ELL: variants seen among roughly 807,000 people sequenced by gnomAD.
ELL encodes RNA polymerase II elongation factor ELL.
In ELL, 18 loss-of-function variants were observed where a neutral mutation model predicts 64.0. The ratio of observed to expected loss-of-function variants is 0.28; its 90% CI spans 0.19 to 0.42. The LOEUF (loss-of-function observed/expected upper bound fraction) is 0.42, where lower values mean the gene tolerates loss of function less well. Among genes scored for constraint, ELL ranks in the 10% least tolerant of loss-of-function variants. The pLI is 1.00. For missense variants in ELL, 797 were observed against 870.4 expected (o/e 0.92, Z 1.06); for synonymous variants, 399 against 376.2 (o/e 1.06, Z -0.70).
rs754492176 is a variant in ELL at position 18,450,715 on chromosome 19, T to C, written c.1227A>G (p.Arg409=). Residue 409 remains arginine, a synonymous_variant, in exon 8 of 12, where the codon CGA becomes CGG. Transcript: ENST00000262809. Reference sequence around the variant, plus strand: ...CAGCCGCCTCTCCGTGCTCACAGTCTCGGCCGCTGTGGCCCAGGTCATTGC... The same window carrying C: ...CAGCCGCCTCTCCGTGCTCACAGTCCCGGCCGCTGTGGCCCAGGTCATTGC... The part of the protein sequence containing the change: ...DVSNDLGHSG[R]DCEHGEAAAP... The C allele has an allele frequency of 2.5e-6, 4 of 1,585,244 alleles. No individual in the cohort carries two copies. In the South Asian group the frequency reaches 3.4e-5, roughly 13 times the overall value.
intron 1 of ELL, among the ~76,000 whole-genome samples, chr19:18,485,864 T>C (rs1053896393): frequency 2.6e-5 from 4 of 151,966 alleles, no homozygotes; most frequent in African/African-American, 9.7e-5. Context: ...CACACGCCTA[T>C]AGTCCCAGCT....
intron 1 of ELL, among the ~76,000 whole-genome samples, chr19:18,515,949 G>A (rs1318919636): frequency 6.6e-6 from 1 of 152,162 alleles, no homozygotes; most frequent in Non-Finnish European, 1.5e-5. Context: ...TCAAGATGAT[G>A]TGCACCCATG....
Position 18,444,579 on chromosome 19 carries a change from C to T in ELL, c.*173G>A, listed in dbSNP as rs1029861761. 9 of 627,080 alleles carry T rather than the reference C, an allele frequency of 1.4e-5. No homozygotes were observed. Among genetic ancestry groups the T allele is most frequent in the South Asian group, 6.1e-5 (3 of 48,954 alleles). 38.8% of individuals were successfully genotyped at this position (627,080 alleles called of 1,614,324 possible). On this transcript the variant is annotated 3_prime_UTR_variant, in exon 12 of 12. Coordinates refer to ENST00000262809, the MANE Select transcript of ELL (RefSeq NM_006532.4). Reference sequence around the variant, plus strand: ...ACTGCTCAGGAAGCGCAGGGAGGGCCGAGGTGGGCTTGCAGCCACCCGCCA... The same window carrying T: ...ACTGCTCAGGAAGCGCAGGGAGGGCTGAGGTGGGCTTGCAGCCACCCGCCA...
chr19:18,476,390 G>A (rs1409580814), intron 1 of ELL, among the ~76,000 whole-genome samples: 1 of 152,214 alleles, frequency 6.6e-6, no homozygotes, highest in Admixed American at 6.5e-5. Flanking sequence ...CAGTTAGGGT[G>A]CACAACCCCC....
intron 1 of ELL, among the ~76,000 whole-genome samples, chr19:18,509,129 A>C (rs1469948946): frequency 6.6e-6 from 1 of 152,078 alleles, no homozygotes; most frequent in Non-Finnish European, 1.5e-5. Flanking sequence ...ATAATATTTC[A>C]GAGTAGCCGT....
chr19:18,477,051 C>T (rs1004079173), intron 1 of ELL, among the ~76,000 whole-genome samples: 1 of 152,130 alleles, frequency 6.6e-6, no homozygotes, highest in African/African-American at 2.4e-5. Context: ...GGCACAAAGA[C>T]GTGGGAAGCA....
At chr19:18,459,907 T>A (rs1451449304) in intron 5 of ELL, among the ~76,000 whole-genome samples, 1 of 152,218 alleles carries the variant, frequency 6.6e-6, no homozygotes, top group African/African-American at 2.4e-5. Context: ...CAGACATTAC[T>A]GTGTGCAGTT....
rs182554910 is a variant in ELL at position 18,504,660 on chromosome 19, C to T, written c.135+17261G>A. On this transcript the variant is annotated intron_variant, in intron 1 of 11. Coordinates refer to ENST00000262809, the MANE Select transcript of ELL (RefSeq NM_006532.4). Reference sequence around the variant, plus strand: ...GGGTTAATAAGTCACAGCAGAAAACCTGAGGCTCGACTTTAAATAAACAGA... The same window carrying T: ...GGGTTAATAAGTCACAGCAGAAAACTTGAGGCTCGACTTTAAATAAACAGA... 8.1e-4 allele frequency among the ~76,000 whole-genome samples: 123 copies of T among 152,324 alleles called. 1 individual carries two copies. The highest frequency in any genetic ancestry group is 2.7e-3 in the African/African-American group (111 of 41,568).
At chr19:18,445,317 A>T (rs1974389023) in intron 10 of ELL, 49 bp from the exon 11 acceptor site, 2 of 1,531,786 alleles carry the variant, frequency 1.3e-6, no homozygotes, top group East Asian at 4.9e-5. Context: ...CCCCGCCTAC[A>T]GGAAACCCAA....
At chr19:18,477,011 G>A (rs899508232) in intron 1 of ELL, among the ~76,000 whole-genome samples, 1 of 152,130 alleles carries the variant, frequency 6.6e-6, no homozygotes, top group South Asian at 2.1e-4. Flanking sequence ...GCAGGAAAAC[G>A]AGACTCCTAA....
chr19:18,460,589 C>T (rs972013317), intron 5 of ELL, among the ~76,000 whole-genome samples: 1 of 152,224 alleles, frequency 6.6e-6, no homozygotes, highest in Non-Finnish European at 1.5e-5. Flanking sequence ...AGGCTGACAT[C>T]CTCCCAAGGA....
chr19:18,446,034 A>G, intron 10 of ELL: 1 of 466,514 alleles, frequency 2.1e-6, no homozygotes, highest in South Asian at 2.9e-5. Flanking sequence ...GGATCCATGT[A>G]CCCCGGCTCG....
At chr19:18,494,838 C>T (rs994502734) in intron 1 of ELL, among the ~76,000 whole-genome samples, 9 of 152,184 alleles carry the variant, frequency 5.9e-5, no homozygotes, top group South Asian at 4.1e-4. Context: ...AGGCCCCACC[C>T]GTACCTGAGC....
At chr19:18,485,746 G>A (rs1422385965) in intron 1 of ELL, among the ~76,000 whole-genome samples, 3 of 152,120 alleles carry the variant, frequency 2.0e-5, no homozygotes, top group Non-Finnish European at 2.9e-5. Flanking sequence ...CCAGCACTTT[G>A]AGAGCCAAGA....
At chr19:18,445,428 TC>T in intron 10 of ELL, 160 bp from the exon 11 acceptor site, 1 of 720,424 alleles carries the variant, frequency 1.4e-6, no homozygotes, top group Non-Finnish European at 2.4e-6. Context: ...CGGCTGTAGC[TC>T]CGGAGTGGGT....
intron 1 of ELL, among the ~76,000 whole-genome samples, chr19:18,517,725 A>G (rs1326716880): frequency 6.6e-6 from 1 of 151,820 alleles, no homozygotes; most frequent in East Asian, 1.9e-4. Context: ...AATTAAAAGA[A>G]AAAGAAAAAA....
intron 1 of ELL, among the ~76,000 whole-genome samples, chr19:18,482,068 A>G (rs1176772285): frequency 6.6e-6 from 1 of 152,158 alleles, no homozygotes; most frequent in Non-Finnish European, 1.5e-5. Context: ...TGTGTGGTGC[A>G]GTGACAGCTC....
intron 2 of ELL, chr19:18,471,279 G>A (rs1975059452): frequency 2.6e-6 from 1 of 378,422 alleles, no homozygotes; most frequent in South Asian, 1.9e-5. Context: ...AGAAGCTGAG[G>A]TGGGAGGATC....
chr19:18,488,810 T>G (rs538168924), intron 1 of ELL, among the ~76,000 whole-genome samples: 8 of 152,156 alleles, frequency 5.3e-5, no homozygotes, highest in Non-Finnish European at 1.0e-4. Context: ...GTGGCAGGGC[T>G]TGAGCTGAAA....
Sources: allele counts gnomAD v4.1 joint callset (sites outside exome capture counted in the v4.1 genomes callset), GRCh38; gene constraint gnomAD v4.1.1; transcripts MANE v1.5; gene names NCBI Gene and HGNC (gene_info 2026-07-23, HGNC 2026-07-21).